The following DMD variants were observed in gnomAD, a reference collection of about 807,000 sequenced individuals.
The protein encoded by DMD is dystrophin.
In DMD, 63 loss-of-function variants were observed where a neutral mutation model predicts 330.1. The observed-to-expected ratio is 0.19, with a 90% CI of 0.16 to 0.24. The LOEUF (loss-of-function observed/expected upper bound fraction) is 0.24, where lower values mean the gene tolerates loss of function less well. Ranked by LOEUF, DMD falls within the 10% of genes least tolerant of loss-of-function variation. The probability of loss-of-function intolerance (pLI) is 1.00; values close to 1 mark genes in which losing one functional copy is unlikely to be tolerated. For synonymous variants in DMD, 1,223 were observed against 959.8 expected, an observed-to-expected ratio of 1.27 and a Z score of -5.07; for missense variants, 3,344 against 2,684.1, an observed-to-expected ratio of 1.25 and a Z score of -5.43.
intron 60 of DMD, among the ~76,000 whole-genome samples, chrX:31,374,569 T>A (rs1469376436): frequency 2.9e-5 from 3 of 102,544 alleles, no homozygotes; most frequent in Non-Finnish European, 2.0e-5. Flanking sequence ...AACTATCACA[T>A]GGACAAAAGA....
intron 1 of DMD, among the ~76,000 whole-genome samples, chrX:33,033,083 T>G (rs1191751827): frequency 9.0e-6 from 1 of 110,842 alleles, no homozygotes; most frequent in Non-Finnish European, 1.9e-5. Context: ...GAGACAGTTT[T>G]GAGAGTTAAT....
chrX:32,427,687 T>A (rs1277024523), intron 29 of DMD, among the ~76,000 whole-genome samples: 6 of 111,067 alleles, frequency 5.4e-5, no homozygotes, highest in South Asian at 3.7e-4. Flanking sequence ...TATGTTCTAC[T>A]GAGTTTGTTG....
At chrX:31,845,606 T>C (rs1405444841) in intron 48 of DMD, among the ~76,000 whole-genome samples, 1 of 110,649 alleles carries the variant, frequency 9.0e-6, no homozygotes, top group East Asian at 2.8e-4. Context: ...GAAATGCCTT[T>C]AGAGGTCCGA....
chrX:32,733,425 TACAGAACTCTCCACCCCAAATCA>T (rs1319146325), intron 7 of DMD, among the ~76,000 whole-genome samples: 9 of 110,355 alleles, frequency 8.2e-5, no homozygotes, highest in Non-Finnish European at 1.7e-4. Flanking sequence ...AATAGACATC[TACAGAACTCTCCACCCCAAATCA>T]ACAGAATATA....
chrX:32,886,576 G>A (rs1034733207), intron 2 of DMD, among the ~76,000 whole-genome samples: 1 of 109,996 alleles, frequency 9.1e-6, no homozygotes, highest in Non-Finnish European at 1.9e-5. Context: ...CCAGCTACTC[G>A]GGAGGCTGAG....
intron 30 of DMD, among the ~76,000 whole-genome samples, chrX:32,394,522 G>A (rs767195485): frequency 8.9e-6 from 1 of 111,944 alleles, no homozygotes; most frequent in African/African-American, 3.2e-5. Flanking sequence ...GATCAGATGT[G>A]ACAGTATATG....
At chrX:33,041,516 G>A (rs1360379722) in intron 1 of DMD, 2 of 1,205,979 alleles carry the variant, frequency 1.7e-6, no homozygotes, top group East Asian at 5.9e-5. Context: ...GAAAAAATGA[G>A]AGCTGAAGAT....
At chrX:33,048,882 T>C (rs1455243079) in intron 1 of DMD, among the ~76,000 whole-genome samples, 3 of 110,484 alleles carry the variant, frequency 2.7e-5, no homozygotes, top group African/African-American at 9.9e-5. Flanking sequence ...GGATGTGATA[T>C]CTGGCAGTGG....
intron 1 of DMD, among the ~76,000 whole-genome samples, chrX:33,201,216 C>T (rs1475441523): frequency 9.0e-6 from 1 of 111,242 alleles, no homozygotes. Flanking sequence ...CAGGCATGAG[C>T]CACCGCGACC....
rs771409462 is a variant in DMD at position 32,938,387 on chromosome X, T to C, written c.93+81752A>G. On this transcript the variant is annotated intron_variant, in intron 2 of 78. Coordinates refer to ENST00000357033, the MANE Select transcript of DMD (RefSeq NM_004006.3). ...CCTTGCATTTCAGAGTCCTTATCAG[T>C]ATTCAAAGGACTGTAGAGCTTTTAG... Among the ~76,000 whole-genome samples, 190 of 111,824 alleles carry C rather than the reference T, an allele frequency of 1.7e-3. 4 individuals carry two copies. The highest frequency in any genetic ancestry group is 6.4e-4 in the Non-Finnish European group (34 of 53,118).
At chrX:32,261,918 T>C (rs2097325102) in intron 43 of DMD, among the ~76,000 whole-genome samples, 1 of 111,488 alleles carries the variant, frequency 9.0e-6, no homozygotes, top group African/African-American at 3.3e-5. Flanking sequence ...TTGTAAATTA[T>C]AATATTAAAT....
chrX:31,371,821 C>A (rs2059589645), intron 60 of DMD, among the ~76,000 whole-genome samples: 1 of 111,861 alleles, frequency 8.9e-6, no homozygotes, highest in South Asian at 3.8e-4. Context: ...CAATGTTGAG[C>A]CAAAGTTGTA....
At chrX:32,839,633 G>A (rs967498662) in intron 4 of DMD, among the ~76,000 whole-genome samples, 2 of 112,196 alleles carry the variant, frequency 1.8e-5, no homozygotes, top group Admixed American at 1.9e-4. Flanking sequence ...TGAGCATTTT[G>A]ATTTATTCTT....
chrX:32,639,356 C>T lies in DMD; in HGVS notation c.1331+4776G>A, dbSNP rs1014860527. ...TTCCGAATTCCTTACCTCCTACCATCCCAAGTGTATTCCACAGCATTAAAA... is the reference window on the plus strand; with the variant it reads ...TTCCGAATTCCTTACCTCCTACCATTCCAAGTGTATTCCACAGCATTAAAA... On this transcript the variant is annotated intron_variant, in intron 11 of 78. Coordinates refer to ENST00000357033, the MANE Select transcript of DMD (RefSeq NM_004006.3). Among the ~76,000 whole-genome samples, 4 of 111,226 alleles carry T rather than the reference C, an allele frequency of 3.6e-5. No individual in the cohort carries two copies. The East Asian group carries it at 1.1e-3, about 31-fold the overall frequency.
intron 52 of DMD, among the ~76,000 whole-genome samples, chrX:31,712,247 C>T (rs1471576225): frequency 9.0e-6 from 1 of 111,601 alleles, no homozygotes; most frequent in African/African-American, 3.3e-5. Context: ...TAATTCGCCA[C>T]AATTGAGCAC....
intron 25 of DMD, among the ~76,000 whole-genome samples, chrX:32,455,599 T>C (rs759357663): frequency 5.4e-5 from 6 of 111,165 alleles, no homozygotes; most frequent in South Asian, 3.7e-4. Flanking sequence ...GCTCCATTTT[T>C]TGAGAGTGAA....
chrX:33,078,783 G>A (rs778563501), intron 1 of DMD, among the ~76,000 whole-genome samples: 2 of 111,762 alleles, frequency 1.8e-5, no homozygotes, highest in East Asian at 2.8e-4. Context: ...GGTTACTTCC[G>A]TGGCACACAA....
intron 77 of DMD, among the ~76,000 whole-genome samples, chrX:31,132,114 G>C (rs1410025913): frequency 8.9e-6 from 1 of 111,973 alleles, no homozygotes; most frequent in Non-Finnish European, 1.9e-5. Context: ...TCCCACATTT[G>C]AGAACTTAAA....
intron 7 of DMD, among the ~76,000 whole-genome samples, chrX:32,784,619 C>T (rs1207991055): frequency 9.0e-6 from 1 of 111,729 alleles, no homozygotes; most frequent in Non-Finnish European, 1.9e-5. Context: ...TAGGTTCCCG[C>T]TCCAAAATCA....
Sources: allele counts gnomAD v4.1 joint callset (sites outside exome capture counted in the v4.1 genomes callset), GRCh38; gene constraint gnomAD v4.1.1; transcripts MANE v1.5; gene names NCBI Gene and HGNC (gene_info 2026-07-23, HGNC 2026-07-21).